Variants in RALY observed in about 807,000 individuals in gnomAD.
The protein encoded by RALY is RALY heterogeneous nuclear ribonucleoprotein, also known as RNA-binding protein Raly.
In RALY, 15 loss-of-function variants were observed where a neutral mutation model predicts 30.7. The ratio of observed to expected loss-of-function variants is 0.49; its 90% confidence interval spans 0.33 to 0.75. The LOEUF is 0.75. RALY is among the 30% of genes least tolerant of loss of function. RALY has a pLI of 0.02. For missense variants in RALY, 339 were observed against 414.3 expected (o/e 0.82, Z 1.58); for synonymous variants, 177 against 170.8 (o/e 1.04, Z -0.28).
chr20:34,060,454 C>T (rs2033383273), intron 2 of RALY, among the ~76,000 whole-genome samples: 1 of 152,196 alleles, frequency 6.6e-6, no homozygotes, highest in Non-Finnish European at 1.5e-5. Context: ...GAATACTTAA[C>T]CTGTAGCAGC....
chr20:34,017,424 T>TAC (rs2031651289), intron 1 of RALY: 1 of 152,234 alleles, frequency 6.6e-6, no homozygotes, highest in South Asian at 2.1e-4. Flanking sequence ...CTCTCTTACT[T>TAC]ACCCTTCTAC....
At chr20:34,033,234 A>G (rs1200652022) in intron 2 of RALY, 7 of 152,246 alleles carry the variant, frequency 4.6e-5, no homozygotes, top group Admixed American at 1.3e-4. Context: ...TACTCCTACC[A>G]TGCAGGTATG....
intron 2 of RALY, among the ~76,000 whole-genome samples, chr20:34,058,918 A>G (rs533686526): frequency 1.1e-3 from 160 of 152,284 alleles, no homozygotes; most frequent in Non-Finnish European, 1.6e-3. Flanking sequence ...AGGAGGTGGC[A>G]GGGGCACACT....
chr20:34,069,254 G>A (rs1180258771), intron 2 of RALY, among the ~76,000 whole-genome samples: 1 of 152,120 alleles, frequency 6.6e-6, no homozygotes, highest in African/African-American at 2.4e-5. Context: ...TCTTGTGAAG[G>A]GCTTTAGGGT....
Position 34,034,957 on chromosome 20 carries a change from C to A in RALY, c.-10+3353C>A, listed in dbSNP as rs1364953846. On this transcript the variant is annotated intron_variant, in intron 2 of 9. Coordinates refer to ENST00000246194, the MANE Select transcript of RALY (RefSeq NM_016732.3). ...CACAAGGTCAGGAGATCGAGACCATCCTGGCTAACACGGTGAAACCCCGTC... is the reference window on the plus strand; with the variant it reads ...CACAAGGTCAGGAGATCGAGACCATACTGGCTAACACGGTGAAACCCCGTC... Among the ~76,000 whole-genome samples the A allele has an allele frequency of 3.3e-5, 5 of 152,004 alleles. No homozygotes were observed. The South Asian group carries it at 1.0e-3, about 32-fold the overall frequency.
chr20:34,004,070 A>C (rs1186956266), intron 1 of RALY, among the ~76,000 whole-genome samples: 1 of 152,164 alleles, frequency 6.6e-6, no homozygotes, highest in Non-Finnish European at 1.5e-5. Context: ...GTAGTTATAG[A>C]TATGAATTTT....
intron 2 of RALY, among the ~76,000 whole-genome samples, chr20:34,045,069 C>G (rs977203993): frequency 2.0e-5 from 3 of 152,082 alleles, no homozygotes; most frequent in Non-Finnish European, 4.4e-5. Context: ...ACCACCACAC[C>G]TAGCTAATTA....
chr20:33,996,564 GGC>G (rs1392680667), intron 1 of RALY, among the ~76,000 whole-genome samples: 1 of 151,992 alleles, frequency 6.6e-6, no homozygotes, highest in Non-Finnish European at 1.5e-5. Context: ...ACTGGTAAGT[GGC>G]CATGGCAGTA....
intron 3 of RALY, 124 bp from the exon 4 acceptor site, chr20:34,073,439 T>C: frequency 2.3e-6 from 2 of 858,484 alleles, no homozygotes; most frequent in South Asian, 1.5e-5. Flanking sequence ...GTTGGCACCA[T>C]CAGTGAGCAG....
rs1184628550 is a variant in RALY at position 34,081,824 on chromosome 20, G to C, written c.*1919G>C. The C allele has an allele frequency of 1.3e-5, 2 of 152,388 alleles. No individual in the cohort carries two copies. The highest frequency in any genetic ancestry group is 3.8e-4 in the East Asian group (2 of 5,206). 9.4% of individuals were successfully genotyped at this position (152,388 alleles called of 1,614,324 possible). On this transcript the variant is annotated 3_prime_UTR_variant, in exon 10 of 10. Coordinates refer to ENST00000246194, the MANE Select transcript of RALY (RefSeq NM_016732.3). The stretch of plus-strand genomic sequence containing the variant: ...TGGCCAGAGTTCTGGCTTCATACCT[G>C]AGCCAAAAGCCCCAATCCATGCTTG...
intron 2 of RALY, among the ~76,000 whole-genome samples, chr20:34,069,542 T>C (rs576898643): frequency 1.1e-4 from 17 of 152,306 alleles, no homozygotes; most frequent in African/African-American, 3.8e-4. Context: ...CACTTTGAGC[T>C]GAACCACCTA....
At chr20:34,076,651 G>C in intron 6 of RALY, 51 bp from the exon 7 acceptor site, 2 of 1,502,770 alleles carry the variant, frequency 1.3e-6, no homozygotes, top group Non-Finnish European at 1.8e-6. Flanking sequence ...TTGTGCTAGT[G>C]TCAAGCCTCC....
chr20:34,049,955 C>G (rs2033020467), intron 2 of RALY, among the ~76,000 whole-genome samples: 1 of 152,192 alleles, frequency 6.6e-6, no homozygotes, highest in African/African-American at 2.4e-5. Context: ...GTTTGAAAAG[C>G]AGATCTAAGC....
chr20:34,035,311 T>C (rs1021134930), intron 2 of RALY, among the ~76,000 whole-genome samples: 3 of 152,054 alleles, frequency 2.0e-5, no homozygotes, highest in Non-Finnish European at 4.4e-5. Context: ...GCTAGAGTTA[T>C]CAGAAAATGT....
rs1555810268 is a variant in RALY, at chr20:34,077,058, C to CCGG, written c.702_704dup (p.Gly238dup). 84 of 1,589,108 alleles carry CCGG rather than the reference C, an allele frequency of 5.3e-5. No homozygotes were observed. Among genetic ancestry groups the CCGG allele is most frequent in the East Asian group, 3.4e-4 (15 of 44,142 alleles). ...AAGAAGAAGGGTGATGGAGGTGGCG[C>CCGG]CGGCGGCGGCGGCGGTGGTGGTGGC... On this transcript the variant is annotated inframe_insertion, in exon 8 of 10. Coordinates refer to ENST00000246194, the MANE Select transcript of RALY (RefSeq NM_016732.3).
intron 1 of RALY, among the ~76,000 whole-genome samples, chr20:34,013,953 TG>T (rs2031510748): frequency 6.6e-6 from 1 of 152,172 alleles, no homozygotes; most frequent in African/African-American, 2.4e-5. Context: ...AATTTGGGGG[TG>T]ACTAAAATAA....
intron 1 of RALY, among the ~76,000 whole-genome samples, chr20:34,021,985 C>T (rs1216522966): frequency 6.6e-6 from 1 of 151,316 alleles, no homozygotes; most frequent in Non-Finnish European, 1.5e-5. Context: ...CAACTCCTGG[C>T]CTCCCAAAGT....
intron 2 of RALY, among the ~76,000 whole-genome samples, chr20:34,060,567 T>C (rs1322095637): frequency 6.6e-6 from 1 of 152,230 alleles, no homozygotes; most frequent in Non-Finnish European, 1.5e-5. Flanking sequence ...TGTATTGCTA[T>C]TTCCATCTTA....
At chr20:34,034,528 A>G (rs896517654) in intron 2 of RALY, among the ~76,000 whole-genome samples, 2 of 152,222 alleles carry the variant, frequency 1.3e-5, no homozygotes, top group Non-Finnish European at 2.9e-5. Context: ...CTTTTAAAAT[A>G]TGAATGATTC....
Sources: gnomAD v4.1 joint callset for allele counts (sites outside exome capture counted in the v4.1 genomes callset) on GRCh38, gnomAD v4.1.1 for gene constraint, MANE v1.5 for transcripts, NCBI Gene and HGNC (gene_info 2026-07-23, HGNC 2026-07-21) for gene names.